MGA: variants seen among roughly 807,000 people sequenced by gnomAD.
MGA encodes the protein MAX dimerization protein MGA, also known as MAX gene-associated protein.
A neutral mutation model predicts 261.1 loss-of-function variants in MGA; 40 were observed. The ratio of observed to expected loss-of-function variants is 0.15; its 90% CI spans 0.12 to 0.20. The LOEUF (loss-of-function observed/expected upper bound fraction) is 0.20, where lower values mean the gene tolerates loss of function less well. Among genes scored for constraint, MGA ranks in the 10% least tolerant of loss-of-function variants. The pLI is 1.00. For missense variants in MGA, 3,397 were observed against 3,630.5 expected (o/e 0.94, Z 1.65); for synonymous variants, 1,302 against 1,290.6 (o/e 1.01, Z -0.19).
At chr15:41,739,484 G>A (rs1179000107) in intron 13 of MGA, among the ~76,000 whole-genome samples, 1 of 152,204 alleles carries the variant, frequency 6.6e-6, no homozygotes, top group Non-Finnish European at 1.5e-5. Flanking sequence ...ACCCTTGTGT[G>A]AGAGCTTCAT....
At chr15:41,627,159 T>C (rs2056476156) in intron 1 of MGA, among the ~76,000 whole-genome samples, 1 of 152,176 alleles carries the variant, frequency 6.6e-6, no homozygotes, top group Admixed American at 6.5e-5. Context: ...CTCCTTGGCC[T>C]CCCAAACTGT....
chr15:41,692,236 G>T (rs993681549), intron 2 of MGA, among the ~76,000 whole-genome samples: 1 of 152,058 alleles, frequency 6.6e-6, no homozygotes, highest in African/African-American at 2.4e-5. Flanking sequence ...CCTATCCCTG[G>T]CAGGACCTTA....
At chr15:41,739,795 A>G (rs1365946741) in intron 13 of MGA, 111 bp from the exon 14 acceptor site, 8 of 1,087,934 alleles carry the variant, frequency 7.4e-6, no homozygotes, top group Non-Finnish European at 1.0e-5. Flanking sequence ...TTCCCTTTTA[A>G]ATCTGAAAAA....
intron 22 of MGA, among the ~76,000 whole-genome samples, chr15:41,762,686 C>G (rs1437268277): frequency 6.6e-6 from 1 of 151,950 alleles, no homozygotes; most frequent in Non-Finnish European, 1.5e-5. Context: ...CCAGGCTAGT[C>G]TCAAACTCTT....
chr15:41,632,968 T>G (rs2056622450), intron 1 of MGA, among the ~76,000 whole-genome samples: 1 of 152,018 alleles, frequency 6.6e-6, no homozygotes, highest in African/African-American at 2.4e-5. Context: ...TTTTTTTTTT[T>G]TGAGACGGAG....
rs2151686613 is a variant in MGA at position 41,727,396 on chromosome 15, C to G, written c.3647C>G (p.Pro1216Arg). The change falls in exon 10 of 24, where the codon CCC becomes CGC. Residue 1216 changes from proline to arginine, a missense_variant. This residue lies in a region of MGA where 519 missense variants were observed against 554.1 expected (regional missense o/e 0.94). Coordinates refer to ENST00000219905, the MANE Select transcript of MGA (RefSeq NM_001164273.2). ...TCTCCACGGTCATATACTCCCAAAC[C>G]CAATCCTGTGGTAAGTCTGGAATTT... 2 of 1,612,888 alleles carry G rather than the reference C, an allele frequency of 1.2e-6. No individual in the cohort carries two copies. The highest frequency in any genetic ancestry group is 4.5e-5 in the East Asian group (2 of 44,864).
In MGA at chr15:41,669,671, G is replaced by A. The variant is rs748519848; in HGVS notation, c.777G>A (p.Arg259=). 3.7e-6 allele frequency: 6 copies of A among 1,613,560 alleles called. No individual in the cohort carries two copies. In the East Asian group the frequency reaches 1.1e-4, roughly 30 times the overall value. ...ACAATCCATTTGCCAAAGGCTTTCGGGATGATGGGCTGAATAATAAGCCCC... is the reference window on the plus strand; with the variant it reads ...ACAATCCATTTGCCAAAGGCTTTCGAGATGATGGGCTGAATAATAAGCCCC... The change falls in exon 2 of 24, where the codon CGG becomes CGA. Residue 259 remains arginine (R), a synonymous_variant. Coordinates refer to ENST00000219905, the MANE Select transcript of MGA (RefSeq NM_001164273.2).
intron 11 of MGA, among the ~76,000 whole-genome samples, chr15:41,732,518 A>G (rs1051652008): frequency 1.3e-5 from 2 of 152,182 alleles, no homozygotes; most frequent in African/African-American, 4.8e-5. Flanking sequence ...CTATAATGCT[A>G]TCTAGATGGT....
At chr15:41,680,403 C>G (rs1025754153) in intron 2 of MGA, among the ~76,000 whole-genome samples, 4 of 151,356 alleles carry the variant, frequency 2.6e-5, no homozygotes, top group African/African-American at 4.9e-5. Flanking sequence ...TTTAACCCCC[C>G]CTGATGCATT....
intron 4 of MGA, 37 bp from the exon 5 acceptor site, chr15:41,699,027 C>T (rs2059694677): frequency 6.3e-7 from 1 of 1,575,110 alleles, no homozygotes; most frequent in East Asian, 2.3e-5. Context: ...CTGTAGTGTA[C>T]AGTAGCTTAT....
At chr15:41,683,736 T>C (rs2058797127) in intron 2 of MGA, among the ~76,000 whole-genome samples, 1 of 151,662 alleles carries the variant, frequency 6.6e-6, no homozygotes, top group African/African-American at 2.4e-5. Flanking sequence ...GCATGAACAC[T>C]TGGCTAATTA....
intron 15 of MGA, among the ~76,000 whole-genome samples, chr15:41,746,245 C>T (rs1281020412): frequency 4.6e-5 from 7 of 152,094 alleles, no homozygotes; most frequent in East Asian, 3.9e-4. Flanking sequence ...TCTTAATTCA[C>T]GTAAGATTAA....
chr15:41,766,200 C>T lies in MGA; in HGVS notation c.8118C>T (p.Asn2706=). ...AGGGTAGAATCTCTTCCAGAGGAAA[C>T]AGAGATGGCAGAGTGACGTTGGGTC... is the stretch of plus-strand genomic sequence containing the variant. The change falls in exon 24 of 24, where the codon AAC becomes AAT. Residue 2706 remains asparagine (N), a synonymous_variant. Coordinates refer to ENST00000219905, the MANE Select transcript of MGA (RefSeq NM_001164273.2). The T allele has an allele frequency of 1.4e-5, 22 of 1,613,880 alleles. No homozygotes were observed. The highest frequency in any genetic ancestry group is 1.9e-5 in the Non-Finnish European group (22 of 1,179,838).
intron 13 of MGA, among the ~76,000 whole-genome samples, chr15:41,738,601 C>T (rs943033700): frequency 7.2e-5 from 11 of 152,066 alleles, no homozygotes; most frequent in African/African-American, 2.7e-4. Context: ...ACTAGACTCC[C>T]TAAAATACAA....
chr15:41,666,842 C>A (rs189814477), intron 1 of MGA, among the ~76,000 whole-genome samples: 3 of 152,168 alleles, frequency 2.0e-5, no homozygotes, highest in Non-Finnish European at 2.9e-5. Context: ...TATCATTTAT[C>A]ACAGGTGTGT....
At position 41,640,526 on chromosome 15, in the gene MGA, G is replaced by GT. The variant is rs879382682; in HGVS notation, c.-68+19239dup. On this transcript the variant is annotated intron_variant, in intron 1 of 8. Coordinates refer to the MGA transcript ENST00000566718. ...ATTTATTTGTAGGTATTTCCTCTTA[G>GT]TTTTTTTTTTTGAGATGGAATCTCG... Among the ~76,000 whole-genome samples, 944 of 147,150 alleles carry GT rather than the reference G, an allele frequency of 6.4e-3. 7 individuals are homozygous for GT. The highest frequency in any genetic ancestry group is 0.019 in the African/African-American group (788 of 40,494).
chr15:41,644,653 C>CA lies in MGA; in HGVS notation c.-68+23363dup, dbSNP rs1178759737. On this transcript the variant is annotated intron_variant, in intron 1 of 8. Transcript: ENST00000566718. ...CAGCCAGCCTGGGTGGACTCTGTCTCAAAAAAAAGAGGAAAAGAAAAAATA... is the reference window on the plus strand; with the variant it reads ...CAGCCAGCCTGGGTGGACTCTGTCTCAAAAAAAAAGAGGAAAAGAAAAAATA... Among the ~76,000 whole-genome samples the CA allele has an allele frequency of 6.0e-5, 9 of 150,068 alleles. No homozygotes were observed. The South Asian group carries it at 6.3e-4, about 10-fold the overall frequency.
chr15:41,639,943 A>G (rs1003340678), intron 1 of MGA, among the ~76,000 whole-genome samples: 3 of 152,144 alleles, frequency 2.0e-5, no homozygotes, highest in African/African-American at 7.2e-5. Context: ...TTTTGCCTTG[A>G]GAGATGACTC....
chr15:41,739,906 G>T, intron 13 of MGA: 1 of 1,610,522 alleles, frequency 6.2e-7, no homozygotes, highest in Non-Finnish European at 8.5e-7. Context: ...CTTGTTTCAG[G>T]TTAATGGTAA....
Sources: allele counts gnomAD v4.1 joint callset (sites outside exome capture counted in the v4.1 genomes callset), GRCh38; gene constraint gnomAD v4.1.1; regional missense constraint gnomAD v4.1.1; transcripts MANE v1.5; gene names NCBI Gene and HGNC (gene_info 2026-07-23, HGNC 2026-07-21).